Variants in MSRA observed in about 807,000 individuals in gnomAD.
MSRA encodes methionine sulfoxide reductase A.
A neutral mutation model predicts 31.3 loss-of-function variants in MSRA; 54 were observed. That is an observed-to-expected ratio of 1.73 (90% CI 1.39 to 2.17). MSRA has a LOEUF of 2.17. Among genes scored for constraint, MSRA ranks in the 30% most tolerant of loss-of-function variants. The pLI is 0.00. For synonymous variants in MSRA, 169 were observed against 116.5 expected (o/e 1.45, Z -2.90); for missense variants, 507 against 300.9 (o/e 1.69, Z -5.07).
chr8:10,113,489 C>A (rs192710138), intron 1 of MSRA, among the ~76,000 whole-genome samples: 1 of 151,048 alleles, frequency 6.6e-6, no homozygotes, highest in Non-Finnish European at 1.5e-5. Context: ...GCAGAACTGA[C>A]GTTCATAGGT....
intron 3 of MSRA, among the ~76,000 whole-genome samples, chr8:10,282,049 C>T (rs771706461): frequency 1.6e-4 from 25 of 152,136 alleles, no homozygotes; most frequent in Non-Finnish European, 3.2e-4. Context: ...AGACTCTCCC[C>T]CCACGTACAA....
intron 5 of MSRA, among the ~76,000 whole-genome samples, chr8:10,338,493 G>A (rs1039687173): frequency 6.6e-6 from 1 of 152,048 alleles, no homozygotes; most frequent in African/African-American, 2.4e-5. Context: ...CATTTAACAC[G>A]TCTCACCATA....
intron 1 of MSRA, among the ~76,000 whole-genome samples, chr8:10,127,173 A>G (rs1203341988): frequency 3.7e-4 from 56 of 151,710 alleles, no homozygotes; most frequent in Admixed American, 3.7e-3. Flanking sequence ...ATTGCCTAGA[A>G]TTTTTTTTTC....
chr8:10,090,388 T>G (rs951133044), intron 1 of MSRA, among the ~76,000 whole-genome samples: 1 of 152,204 alleles, frequency 6.6e-6, no homozygotes, highest in African/African-American at 2.4e-5. Context: ...GCTGGGCAGA[T>G]TCCTGAAGCA....
chr8:10,395,766 C>G (rs1807059207), intron 5 of MSRA, among the ~76,000 whole-genome samples: 1 of 152,162 alleles, frequency 6.6e-6, no homozygotes, highest in African/African-American at 2.4e-5. Context: ...TCCCTGAAGT[C>G]CAATGAAACC....
intron 3 of MSRA, among the ~76,000 whole-genome samples, chr8:10,280,269 C>A (rs1445354465): frequency 1.3e-5 from 2 of 152,056 alleles, no homozygotes; most frequent in East Asian, 3.9e-4. Flanking sequence ...TTTTGCCCCC[C>A]TCTTTTAGTT....
chr8:10,234,428 T>C lies in MSRA; in HGVS notation c.212-10676T>C, dbSNP rs559185512. On this transcript the variant is annotated intron_variant, in intron 2 of 5. Transcript: ENST00000317173. ...ACATAGTGAAGTGGGTATGTAACAATTGTAAGGGTAAACACTAGAAGAACA... is the reference window on the plus strand; with the variant it reads ...ACATAGTGAAGTGGGTATGTAACAACTGTAAGGGTAAACACTAGAAGAACA... 2.0e-5 allele frequency among the ~76,000 whole-genome samples: 3 copies of C among 152,124 alleles called. No individual in the cohort carries two copies. The South Asian group carries it at 6.2e-4, about 31-fold the overall frequency.
intron 2 of MSRA, among the ~76,000 whole-genome samples, chr8:10,233,747 G>A (rs1468044602): frequency 2.0e-5 from 3 of 152,322 alleles, no homozygotes; most frequent in Admixed American, 6.5e-5. Flanking sequence ...ATAGAATTGC[G>A]AGAATAGTGG....
chr8:10,280,055 G>A (rs1016785666), intron 3 of MSRA, among the ~76,000 whole-genome samples: 2 of 152,064 alleles, frequency 1.3e-5, no homozygotes, highest in African/African-American at 2.4e-5. Context: ...TTCTTTCTGG[G>A]CCAACTTTGG....
At chr8:10,242,161 C>G (rs1356773176) in intron 2 of MSRA, among the ~76,000 whole-genome samples, 1 of 151,784 alleles carries the variant, frequency 6.6e-6, no homozygotes, top group Non-Finnish European at 1.5e-5. Flanking sequence ...ATCTCAGCTA[C>G]TAGGGAGGGT....
chr8:10,311,380 G>A (rs1183653169), intron 4 of MSRA, among the ~76,000 whole-genome samples: 1 of 152,114 alleles, frequency 6.6e-6, no homozygotes, highest in East Asian at 1.9e-4. Flanking sequence ...CAGAAAATGC[G>A]AGCTTTGAGA....
chr8:10,332,377 A>G (rs1802752601), intron 5 of MSRA, among the ~76,000 whole-genome samples: 1 of 152,198 alleles, frequency 6.6e-6, no homozygotes, highest in Non-Finnish European at 1.5e-5. Context: ...TGTTTAAAGC[A>G]TGAAGTTATG....
chr8:10,165,044 G>A (rs1804999872), intron 1 of MSRA, among the ~76,000 whole-genome samples: 2 of 152,042 alleles, frequency 1.3e-5, no homozygotes, highest in Admixed American at 6.6e-5. Context: ...CTGTATTGAT[G>A]TCTGGGCTGC....
intron 5 of MSRA, among the ~76,000 whole-genome samples, chr8:10,320,779 C>G (rs1802005160): frequency 6.6e-6 from 1 of 152,156 alleles, no homozygotes; most frequent in Admixed American, 6.5e-5. Flanking sequence ...TGTTCCAGGC[C>G]TCTCTCCTTG....
chr8:10,231,406 T>TGGCTTGGTAGTC (rs1226740816), intron 2 of MSRA, among the ~76,000 whole-genome samples: 1 of 152,170 alleles, frequency 6.6e-6, no homozygotes, highest in African/African-American at 2.4e-5. Context: ...CAGAAGATAT[T>TGGCTTGGTAGTC]GGCTTGGTAG....
intron 1 of MSRA, among the ~76,000 whole-genome samples, chr8:10,142,607 A>G (rs149724780): frequency 6.6e-6 from 1 of 152,266 alleles, no homozygotes; most frequent in African/African-American, 2.4e-5. Flanking sequence ...AATTTCTTTA[A>G]CCTTCCCTCC....
intron 2 of MSRA, among the ~76,000 whole-genome samples, chr8:10,244,663 G>T (rs1316881946): frequency 6.6e-6 from 1 of 152,166 alleles, no homozygotes; most frequent in East Asian, 1.9e-4. Flanking sequence ...GTTGATTTTG[G>T]AAGTTTTCAC....
At chr8:10,107,641 C>A (rs1249530190) in intron 1 of MSRA, among the ~76,000 whole-genome samples, 1 of 152,186 alleles carries the variant, frequency 6.6e-6, no homozygotes, top group Non-Finnish European at 1.5e-5. Context: ...ACCACAAAAA[C>A]CCAACATGCT....
At chr8:10,107,515 C>G (rs1199560759) in intron 1 of MSRA, among the ~76,000 whole-genome samples, 1 of 152,172 alleles carries the variant, frequency 6.6e-6, no homozygotes, top group African/African-American at 2.4e-5. Flanking sequence ...ATTCCTGTTT[C>G]ATCTTCCACC....
Sources: allele counts gnomAD v4.1 joint callset (sites outside exome capture counted in the v4.1 genomes callset), GRCh38; gene constraint gnomAD v4.1.1; transcripts MANE v1.5; gene names NCBI Gene and HGNC (gene_info 2026-07-23, HGNC 2026-07-21).